THADA: variants seen among roughly 807,000 people sequenced by gnomAD.
The protein encoded by THADA is tRNA (32-2'-O)-methyltransferase regulator THADA.
THADA carries 213 observed loss-of-function variants against 219.8 expected under a neutral mutation model. The ratio of observed to expected loss-of-function variants is 0.97; its 90% CI spans 0.87 to 1.09. The LOEUF (loss-of-function observed/expected upper bound fraction) is 1.09. THADA is among the 50% of genes least tolerant of loss of function. The pLI, the probability that THADA is intolerant of heterozygous loss-of-function variation, is 0.00. For synonymous variants in THADA, 1,018 were observed against 828.9 expected (o/e 1.23, Z -3.92); for missense variants, 2,956 against 2,311.3 (o/e 1.28, Z -5.72).
chr2:43,438,075 G>A (rs564029965), intron 26 of THADA, among the ~76,000 whole-genome samples: 1 of 152,202 alleles, frequency 6.6e-6, no homozygotes, highest in South Asian at 2.1e-4. Flanking sequence ...GCAGAGATGG[G>A]CAGATCACGA....
rs768333408 is a variant in THADA at position 43,590,885 on chromosome 2, T to G, written c.241A>C (p.Ile81Leu). 34 of 1,613,786 alleles carry G rather than the reference T, an allele frequency of 2.1e-5. No homozygotes were observed. In the African/African-American group the frequency reaches 4.1e-4, roughly 20 times the overall value. ...CDPTIQSCLD[I>L]LAGIYLSLSL... ...AAAGAAAGATAAATGCCTGCTAAGA[T>G]ATCCAAACAACTTTGAATAGTGGGA... Residue 81 changes from isoleucine (I) to leucine (L), a missense_variant, in exon 4 of 38, where the codon ATC becomes CTC. Physicochemically the swap from Ile to Leu is conservative, Grantham distance 5. Coordinates refer to ENST00000405975, the MANE Select transcript of THADA (RefSeq NM_022065.5).
At chr2:43,315,914 T>C (rs1335548047) in intron 31 of THADA, among the ~76,000 whole-genome samples, 1 of 152,220 alleles carries the variant, frequency 6.6e-6, no homozygotes, top group Non-Finnish European at 1.5e-5. Flanking sequence ...ATGAACTCCT[T>C]TGTCTACAGG....
At chr2:43,495,588 G>C (rs1261738033) in intron 25 of THADA, among the ~76,000 whole-genome samples, 1 of 151,804 alleles carries the variant, frequency 6.6e-6, no homozygotes, top group Non-Finnish European at 1.5e-5. Context: ...CAGTGCACAT[G>C]TATTACTGTT....
intron 36 of THADA, among the ~76,000 whole-genome samples, chr2:43,275,014 T>C (rs113369592): frequency 1.8e-4 from 26 of 146,636 alleles, no homozygotes; most frequent in African/African-American, 6.3e-4. Context: ...TTTTTTTTTT[T>C]GAGGGAGTCT....
chr2:43,546,571 A>T lies in THADA; in HGVS notation c.3106+2639T>A, dbSNP rs571300246. Among the ~76,000 whole-genome samples the T allele has an allele frequency of 4.6e-5, 7 of 152,146 alleles. No homozygotes were observed. In the South Asian group the frequency reaches 1.5e-3, roughly 32 times the overall value. The stretch of plus-strand genomic sequence containing the variant: ...GGGTGCTCCTGCATTGGGTGCATAC[A>T]TATTTAGGATAGTGAGCTCTTCTTG... On this transcript the variant is annotated intron_variant, in intron 20 of 37. Coordinates refer to ENST00000405975, the MANE Select transcript of THADA (RefSeq NM_022065.5).
chr2:43,507,266 T>C (rs1689796104), intron 23 of THADA, among the ~76,000 whole-genome samples: 2 of 152,250 alleles, frequency 1.3e-5, no homozygotes. Context: ...GGTAAAGTTA[T>C]GGCATTCTTG....
chr2:43,555,989 A>C, intron 17 of THADA: 1 of 222,526 alleles, frequency 4.5e-6, no homozygotes, highest in South Asian at 1.5e-4. Context: ...ACCCTGACAG[A>C]AAAAGGAACT....
chr2:43,358,526 G>T (rs1361275168), intron 29 of THADA, among the ~76,000 whole-genome samples: 1 of 152,178 alleles, frequency 6.6e-6, no homozygotes, highest in African/African-American at 2.4e-5. Context: ...TATCTCTAAT[G>T]TTGCCTCCTC....
intron 12 of THADA, among the ~76,000 whole-genome samples, chr2:43,572,484 T>C (rs965894503): frequency 1.3e-5 from 2 of 152,186 alleles, no homozygotes; most frequent in Non-Finnish European, 2.9e-5. Context: ...ACTTTCCTAA[T>C]CAAGCACCAC....
intron 22 of THADA, among the ~76,000 whole-genome samples, chr2:43,512,379 T>G (rs568201987): frequency 6.6e-5 from 10 of 152,374 alleles, no homozygotes; most frequent in African/African-American, 2.4e-4. Context: ...AGGCAAGTCC[T>G]GACCTCAAAG....
chr2:43,514,638 TATATATAATATATATATTGTATATAATA>T (rs1558887679), intron 22 of THADA, among the ~76,000 whole-genome samples: 2 of 83,044 alleles, frequency 2.4e-5, no homozygotes, highest in African/African-American at 1.2e-4. Context: ...ATGTATATTT[TATATATAATATATATATTGTATATAATA>T]ATATATAATA....
intron 30 of THADA, among the ~76,000 whole-genome samples, chr2:43,329,404 G>A (rs1337131097): frequency 6.6e-6 from 1 of 152,158 alleles, no homozygotes. Flanking sequence ...TAAATCACAA[G>A]GGGAGAATTT....
intron 26 of THADA, among the ~76,000 whole-genome samples, chr2:43,454,016 C>CT (rs1682683261): frequency 1.3e-5 from 2 of 152,146 alleles, no homozygotes; most frequent in South Asian, 4.1e-4. Context: ...GTAGCTAGGA[C>CT]TACAGGCATG....
At chr2:43,322,759 C>T (rs1343306365) in intron 30 of THADA, among the ~76,000 whole-genome samples, 1 of 126,338 alleles carries the variant, frequency 7.9e-6, no homozygotes, top group African/African-American at 3.0e-5. Context: ...GATCTTGGCT[C>T]ACTGCAAGCC....
intron 1 of THADA, among the ~76,000 whole-genome samples, chr2:43,593,622 A>C (rs981456274): frequency 6.7e-6 from 1 of 150,136 alleles, no homozygotes; most frequent in Non-Finnish European, 1.5e-5. Flanking sequence ...TTATTTGTCT[A>C]CTACAGACTT....
chr2:43,544,537 CTCTTT>C (rs1305615013), intron 20 of THADA, among the ~76,000 whole-genome samples: 3 of 152,030 alleles, frequency 2.0e-5, no homozygotes, highest in African/African-American at 7.3e-5. Context: ...TCCTTGTATC[CTCTTT>C]TATTTCATTG....
intron 18 of THADA, 118 bp downstream of exon 18, chr2:43,552,086 T>C (rs1364032734): frequency 4.0e-6 from 6 of 1,517,604 alleles, no homozygotes; most frequent in Non-Finnish European, 5.3e-6. Flanking sequence ...TAAATCTGAT[T>C]TTCAATTTTA....
intron 28 of THADA, among the ~76,000 whole-genome samples, chr2:43,417,701 G>A (rs75064447): frequency 1.3e-5 from 2 of 152,294 alleles, no homozygotes; most frequent in African/African-American, 4.8e-5. Flanking sequence ...ATAAACAGAT[G>A]AGCAAAAGCA....
intron 26 of THADA, among the ~76,000 whole-genome samples, chr2:43,465,097 G>A (rs1684084532): frequency 1.3e-5 from 2 of 151,916 alleles, no homozygotes; most frequent in Non-Finnish European, 2.9e-5. Context: ...CCTTGATTTG[G>A]CAGTTTCACA....
Sources: gnomAD v4.1 joint callset for allele counts (sites outside exome capture counted in the v4.1 genomes callset) on GRCh38, gnomAD v4.1.1 for gene constraint, MANE v1.5 for transcripts, NCBI Gene and HGNC (gene_info 2026-07-23, HGNC 2026-07-21) for gene names.